The following THSD7A variants were observed in gnomAD, a reference collection of about 807,000 sequenced individuals.
THSD7A encodes the protein thrombospondin type 1 domain containing 7A, also known as thrombospondin type-1 domain-containing protein 7A.
THSD7A carries 96 observed loss-of-function variants against 231.3 expected under a neutral mutation model. The ratio of observed to expected loss-of-function variants is 0.41; its 90% CI spans 0.35 to 0.49. The LOEUF is 0.49. Ranked by LOEUF, THSD7A falls within the 20% of genes least tolerant of loss-of-function variation. THSD7A has a pLI of 0.05. For missense variants in THSD7A, 2,290 were observed against 2,070.2 expected, an observed-to-expected ratio of 1.11 and a Z score of -2.06; for synonymous variants, 940 against 743.3, an observed-to-expected ratio of 1.26 and a Z score of -4.30.
Position 11,379,284 on chromosome 7 carries a change from CAGG to C in THSD7A, c.4591-7_4591-5del, listed in dbSNP as rs757672269. The C allele has an allele frequency of 2.5e-6, 4 of 1,613,282 alleles. No individual in the cohort carries two copies. In the East Asian group the frequency reaches 8.9e-5, roughly 36 times the overall value. On this transcript the variant is annotated splice_region_variant and splice_polypyrimidine_tract_variant and intron_variant, in intron 25 of 27. Coordinates refer to ENST00000423059, the MANE Select transcript of THSD7A (RefSeq NM_015204.3). ...CTTCACAATGGCATGTTTTTGTCTG[CAGG>C]AGAACAAGAAGATTTATACTAGCCA...
intron 1 of THSD7A, among the ~76,000 whole-genome samples, chr7:11,668,477 AAGAC>A (rs934077216): frequency 1.9e-3 from 77 of 41,214 alleles, no homozygotes; most frequent in Admixed American, 3.7e-3. Context: ...GAAAAAAAGA[AAGAC>A]AGAAAGAAAG....
At chr7:11,789,712 C>G (rs1783892348) in intron 1 of THSD7A, among the ~76,000 whole-genome samples, 2 of 152,036 alleles carry the variant, frequency 1.3e-5, no homozygotes, top group Admixed American at 6.6e-5. Context: ...ACTTTACATC[C>G]ATTGGACAAC....
chr7:11,771,970 T>TG (rs1783244712), intron 1 of THSD7A, among the ~76,000 whole-genome samples: 2 of 152,176 alleles, frequency 1.3e-5, no homozygotes, highest in African/African-American at 4.8e-5. Context: ...CCGCCATGGT[T>TG]GAAAGTTTGC....
chr7:11,743,047 T>C (rs1782164677), intron 1 of THSD7A, among the ~76,000 whole-genome samples: 1 of 151,916 alleles, frequency 6.6e-6, no homozygotes, highest in Admixed American at 6.6e-5. Flanking sequence ...TGGATAAAGA[T>C]TAAGGAATCT....
intron 6 of THSD7A, among the ~76,000 whole-genome samples, chr7:11,511,050 A>G (rs1468214724): frequency 6.6e-6 from 1 of 152,182 alleles, no homozygotes; most frequent in Non-Finnish European, 1.5e-5. Flanking sequence ...TCTCAGCCCA[A>G]AATCTCCTTA....
chr7:11,478,582 G>A (rs1020254569), intron 7 of THSD7A, among the ~76,000 whole-genome samples: 1 of 152,086 alleles, frequency 6.6e-6, no homozygotes, highest in African/African-American at 2.4e-5. Context: ...GCAATAAAAG[G>A]AAGTGAAAGA....
chr7:11,731,668 G>C (rs1002463960), intron 1 of THSD7A, among the ~76,000 whole-genome samples: 5 of 151,524 alleles, frequency 3.3e-5, no homozygotes, highest in Admixed American at 6.6e-5. Context: ...CAAGCAATAA[G>C]CCAGGCAGCA....
At chr7:11,705,642 C>A (rs1780741510) in intron 1 of THSD7A, among the ~76,000 whole-genome samples, 2 of 150,924 alleles carry the variant, frequency 1.3e-5, no homozygotes, top group African/African-American at 2.4e-5. Flanking sequence ...TTAGGTGTTA[C>A]AATAAAATTT....
At chr7:11,629,644 C>G (rs888919302) in intron 2 of THSD7A, among the ~76,000 whole-genome samples, 3 of 152,088 alleles carry the variant, frequency 2.0e-5, no homozygotes, top group East Asian at 3.9e-4. Context: ...CCCTCAGGAA[C>G]CATATAGCTC....
intron 15 of THSD7A, among the ~76,000 whole-genome samples, chr7:11,425,562 T>G (rs1357220396): frequency 1.3e-5 from 2 of 151,734 alleles, no homozygotes; most frequent in African/African-American, 4.8e-5. Context: ...GGTTTCAGGT[T>G]TTTTTTTAGT....
chr7:11,574,041 T>G (rs1330175547), intron 4 of THSD7A, among the ~76,000 whole-genome samples: 1 of 152,194 alleles, frequency 6.6e-6, no homozygotes, highest in Non-Finnish European at 1.5e-5. Context: ...CAAGCATACC[T>G]GAGTGTTATG....
At chr7:11,617,892 C>G (rs1185548071) in intron 2 of THSD7A, among the ~76,000 whole-genome samples, 1 of 152,064 alleles carries the variant, frequency 6.6e-6, no homozygotes, top group Non-Finnish European at 1.5e-5. Context: ...ATGTAAATGA[C>G]AAGTTAATGG....
At chr7:11,824,729 A>G (rs1784975570) in intron 1 of THSD7A, among the ~76,000 whole-genome samples, 1 of 152,178 alleles carries the variant, frequency 6.6e-6, no homozygotes. Flanking sequence ...AAAAAAGACA[A>G]GACACAAACT....
At chr7:11,702,760 G>A (rs1269363343) in intron 1 of THSD7A, among the ~76,000 whole-genome samples, 2 of 151,124 alleles carry the variant, frequency 1.3e-5, no homozygotes, top group Non-Finnish European at 3.0e-5. Context: ...AGGATAATAT[G>A]AGTACCTATC....
At chr7:11,650,428 T>A (rs977422394) in intron 1 of THSD7A, among the ~76,000 whole-genome samples, 1 of 151,968 alleles carries the variant, frequency 6.6e-6, no homozygotes, top group African/African-American at 2.4e-5. Flanking sequence ...AAAATGAGAG[T>A]CTTAGTAACT....
Position 11,460,688 on chromosome 7 carries a change from C to T in THSD7A, c.2579G>A (p.Gly860Asp), listed in dbSNP as rs752714904. The T allele has an allele frequency of 2.5e-6, 4 of 1,611,564 alleles. No homozygotes were observed. Among genetic ancestry groups the T allele is most frequent in the Admixed American group, 1.7e-5 (1 of 59,786 alleles). Residue 860 changes from glycine to aspartate, a missense_variant, in exon 11 of 28, where the codon GGC becomes GAC. Gly to Asp is a moderately conservative substitution (Grantham distance 94). Coordinates refer to ENST00000423059, the MANE Select transcript of THSD7A (RefSeq NM_015204.3). ...VQQDSPGAQE[G>D]CGPGRQARAI... ...TCTTGCCTGTCGCCCAGGCCCACAGCCTTCCTGTGCTCCAGGGCTGTCTTG... is the reference window on the plus strand; with the variant it reads ...TCTTGCCTGTCGCCCAGGCCCACAGTCTTCCTGTGCTCCAGGGCTGTCTTG...
At chr7:11,464,673 C>G (rs1445989625) in intron 9 of THSD7A, among the ~76,000 whole-genome samples, 1 of 152,026 alleles carries the variant, frequency 6.6e-6, no homozygotes, top group Non-Finnish European at 1.5e-5. Context: ...GAGTGGCAAT[C>G]CATTTATTCT....
chr7:11,551,526 GC>G (rs1284970403), intron 4 of THSD7A, among the ~76,000 whole-genome samples: 2 of 152,056 alleles, frequency 1.3e-5, no homozygotes, highest in South Asian at 4.2e-4. Flanking sequence ...TAAAGAATGG[GC>G]AAACTATAAT....
In THSD7A at chr7:11,674,643, C is replaced by T. The variant is rs574206174; in HGVS notation, c.191-37682G>A. ...AAGCCAATTGATTATACACAACATA[C>T]GCCATAATCATACTCACAAGGGAGA... On this transcript the variant is annotated intron_variant, in intron 1 of 27. Transcript: ENST00000423059. Among the ~76,000 whole-genome samples, 85 of 152,142 alleles carry T rather than the reference C, an allele frequency of 5.6e-4. 1 individual carries two copies. Among genetic ancestry groups the T allele is most frequent in the Non-Finnish European group, 8.7e-4 (59 of 68,006 alleles).
Sources: gnomAD v4.1 joint callset for allele counts (sites outside exome capture counted in the v4.1 genomes callset) on GRCh38, gnomAD v4.1.1 for gene constraint, MANE v1.5 for transcripts, NCBI Gene and HGNC (gene_info 2026-07-23, HGNC 2026-07-21) for gene names.